Variants in NXNL2 observed in about 807,000 individuals in gnomAD.
NXNL2 encodes the protein nucleoredoxin like 2.
NXNL2 carries 7 observed loss-of-function variants against 11.1 expected under a neutral mutation model. That is an observed-to-expected ratio of 0.63 (90% confidence interval 0.36 to 1.18). The LOEUF is 1.18. Ranked by LOEUF, NXNL2 falls within the 50% of genes most tolerant of loss-of-function variation. NXNL2 has a pLI of 0.02. For synonymous variants in NXNL2, 109 were observed against 101.8 expected, an observed-to-expected ratio of 1.07 and a Z score of -0.42; for missense variants, 233 against 217.7, an observed-to-expected ratio of 1.07 and a Z score of -0.44.
chr9:88,540,404 C>A (rs1829729113), intron 1 of NXNL2, among the ~76,000 whole-genome samples: 1 of 151,962 alleles, frequency 6.6e-6, no homozygotes, highest in South Asian at 2.1e-4. Context: ...CCACATCTTT[C>A]ATGCTGACTG....
chr9:88,565,421 T>C (rs776118235), intron 1 of NXNL2, among the ~76,000 whole-genome samples: 2 of 152,246 alleles, frequency 1.3e-5, no homozygotes, highest in Admixed American at 6.5e-5. Flanking sequence ...TTTTAATTTT[T>C]TGAGGAATTG....
At chr9:88,541,839 T>C (rs146594175) in intron 1 of NXNL2, among the ~76,000 whole-genome samples, 1 of 152,368 alleles carries the variant, frequency 6.6e-6, no homozygotes, top group African/African-American at 2.4e-5. Context: ...GCTTGGGATT[T>C]GTAGTATATT....
At chr9:88,574,164 A>T (rs913566651) in intron 2 of NXNL2, among the ~76,000 whole-genome samples, 1 of 152,260 alleles carries the variant, frequency 6.6e-6, no homozygotes, top group Non-Finnish European at 1.5e-5. Flanking sequence ...AAAGGCATAT[A>T]CACAAATGTT....
chr9:88,577,865 T>C (rs1427799039), downstream of NXNL2, among the ~76,000 whole-genome samples: 1 of 152,162 alleles, frequency 6.6e-6, no homozygotes, highest in African/African-American at 2.4e-5. Context: ...TCCTGGGTGG[T>C]TGGGAGTCAT....
intron 1 of NXNL2, among the ~76,000 whole-genome samples, chr9:88,581,610 C>A (rs1830409482): frequency 6.6e-6 from 1 of 152,126 alleles, no homozygotes; most frequent in South Asian, 2.1e-4. Flanking sequence ...GCATGTGCCA[C>A]CATGCCTGGC....
rs10121463 is a variant in NXNL2 at position 88,552,473 on chromosome 9, G to T, written c.302+16737G>T. Among the ~76,000 whole-genome samples the T allele has an allele frequency of 1.5e-3, 194 of 131,556 alleles. 1 individual carries two copies. The highest frequency in any genetic ancestry group is 0.013 in the South Asian group (56 of 4,174). 86.3% of individuals were successfully genotyped at this position (131,556 alleles called of 152,430 possible). A position where few individuals can be genotyped will look rare whatever the true frequency, so the allele number is the denominator to read the frequency against. ...CTAGTTTTCTGCTTTAAACATGCAT[G>T]TTTTTTTTTTTTTTTTTGAGATGGA... On this transcript the variant is annotated intron_variant, in intron 1 of 2. Coordinates refer to the NXNL2 transcript ENST00000375855.
At chr9:88,539,624 T>C (rs1192836883) in intron 1 of NXNL2, 1 of 152,302 alleles carries the variant, frequency 6.6e-6, no homozygotes, top group African/African-American at 2.4e-5. Flanking sequence ...CTGCTGGCCA[T>C]TTTGCTGCAG....
intron 2 of NXNL2, among the ~76,000 whole-genome samples, chr9:88,573,717 C>T (rs1190673167): frequency 1.3e-5 from 2 of 152,070 alleles, no homozygotes; most frequent in Admixed American, 6.6e-5. Context: ...AGATGGGTTG[C>T]CCAACAGTGC....
intron 1 of NXNL2, among the ~76,000 whole-genome samples, chr9:88,566,896 TATCTATCTATC>T (rs1412290085): frequency 1.3e-5 from 2 of 150,278 alleles, no homozygotes; most frequent in South Asian, 2.1e-4. Flanking sequence ...TCTAGCCTAT[TATCTATCTATC>T]ATCTATCTAT....
intron 1 of NXNL2, among the ~76,000 whole-genome samples, chr9:88,560,751 A>C (rs13291785): frequency 2.0e-5 from 3 of 151,884 alleles, no homozygotes; most frequent in Non-Finnish European, 4.4e-5. Flanking sequence ...TCTAAAAAAA[A>C]GAAAGACAAT....
intron 1 of NXNL2, among the ~76,000 whole-genome samples, chr9:88,541,682 T>C (rs1342088461): frequency 1.3e-5 from 2 of 152,228 alleles, no homozygotes; most frequent in Non-Finnish European, 2.9e-5. Context: ...CTCAATCTTA[T>C]TCTGCCTTCT....
intron 1 of NXNL2, among the ~76,000 whole-genome samples, chr9:88,542,898 C>T (rs1829789171): frequency 6.6e-6 from 1 of 152,060 alleles, no homozygotes; most frequent in South Asian, 2.1e-4. Context: ...ATGGGTTTTT[C>T]CTTCCACTCG....
chr9:88,567,496 T>C (rs985506603), intron 1 of NXNL2, among the ~76,000 whole-genome samples: 3 of 152,240 alleles, frequency 2.0e-5, no homozygotes, highest in Non-Finnish European at 4.4e-5. Flanking sequence ...ATTTATTCTC[T>C]ACAGTCCTTG....
intron 1 of NXNL2, among the ~76,000 whole-genome samples, chr9:88,558,570 A>G (rs1427217623): frequency 6.6e-6 from 1 of 152,172 alleles, no homozygotes; most frequent in Admixed American, 6.5e-5. Context: ...GGTCAAAAGC[A>G]CAGGTTAAAC....
chr9:88,547,757 C>T (rs756615277), downstream of NXNL2, among the ~76,000 whole-genome samples: 21 of 152,176 alleles, frequency 1.4e-4, no homozygotes, highest in Non-Finnish European at 2.8e-4. Flanking sequence ...TGGCTCATGC[C>T]TATAATCCCA....
intron 1 of NXNL2, among the ~76,000 whole-genome samples, chr9:88,539,242 C>A (rs2118400198): frequency 6.6e-6 from 1 of 152,288 alleles, no homozygotes; most frequent in African/African-American, 2.4e-5. Context: ...TCCTGGGACC[C>A]CATATTGTTC....
At chr9:88,548,509 C>A (rs182531029), downstream of NXNL2, among the ~76,000 whole-genome samples, 5 of 149,610 alleles carry the variant, frequency 3.3e-5, no homozygotes, top group East Asian at 9.9e-4. Context: ...AATGGTGAAA[C>A]CCTGTCTCTA....
downstream of NXNL2, among the ~76,000 whole-genome samples, chr9:88,577,020 C>A (rs1329230757): frequency 6.6e-6 from 1 of 152,068 alleles, no homozygotes; most frequent in African/African-American, 2.4e-5. Context: ...CTTATGGCTG[C>A]CCTCAAGGTA....
downstream of NXNL2, among the ~76,000 whole-genome samples, chr9:88,547,689 A>G (rs1191021874): frequency 6.6e-6 from 1 of 152,144 alleles, no homozygotes; most frequent in Non-Finnish European, 1.5e-5. Flanking sequence ...CCATTTGGTA[A>G]ACTGAATTAC....
Sources: allele counts gnomAD v4.1 joint callset (sites outside exome capture counted in the v4.1 genomes callset), GRCh38; gene constraint gnomAD v4.1.1; transcripts MANE v1.5; gene names NCBI Gene and HGNC (gene_info 2026-07-23, HGNC 2026-07-21).